Variants in KIF1B observed in about 807,000 individuals in gnomAD.
KIF1B encodes kinesin-like protein KIF1B.
In KIF1B, 76 loss-of-function variants were observed where a neutral mutation model predicts 241.9. That is an observed-to-expected ratio of 0.31 (90% CI 0.26 to 0.38). The LOEUF is 0.38. Among genes scored for constraint, KIF1B ranks in the 10% least tolerant of loss-of-function variants. The pLI, the probability that KIF1B is intolerant of heterozygous loss-of-function variation, is 1.00. For missense variants in KIF1B, 1,622 were observed against 2,271.4 expected, an observed-to-expected ratio of 0.71 and a Z score of 5.81; for synonymous variants, 750 against 796.7, an observed-to-expected ratio of 0.94 and a Z score of 0.99.
intron 22 of KIF1B, chr1:10,299,088 AACAAAAACC>A (rs933820152): frequency 2.6e-5 from 4 of 151,868 alleles, no homozygotes; most frequent in Non-Finnish European, 5.9e-5. Flanking sequence ...AAAAAAAAGA[AACAAAAACC>A]ACAAAAACAA....
intron 44 of KIF1B, among the ~76,000 whole-genome samples, chr1:10,368,922 TC>T (rs35064364): frequency 0.14 from 20,643 of 152,154 alleles, 1,515 homozygotes; most frequent in South Asian, 0.18. Context: ...AGTAAACACT[TC>T]AGAGAATTTC....
intron 23 of KIF1B, among the ~76,000 whole-genome samples, chr1:10,321,108 CTTT>C (rs1332388476): frequency 7.0e-6 from 1 of 143,664 alleles, no homozygotes; most frequent in African/African-American, 2.5e-5. Context: ...AGGAGTTTGT[CTTT>C]TTTTTTTTTT....
chr1:10,375,942 G>C (rs909568994), intron 48 of KIF1B, among the ~76,000 whole-genome samples: 1 of 150,608 alleles, frequency 6.6e-6, no homozygotes, highest in African/African-American at 2.4e-5. Flanking sequence ...GATTACAGGT[G>C]CCCGCCACCA....
rs1293337298 is a variant in KIF1B, at chr1:10,380,476, C to G, written c.*3889C>G. ...ATCCCAGCACATTGGGAGGCCAAGG[C>G]AGGTGGATCACCTGAGGTCAGAAGT... is the stretch of plus-strand genomic sequence containing the variant. On this transcript the variant is annotated 3_prime_UTR_variant, in exon 49 of 49. Transcript: ENST00000676179. 1 of 182,928 alleles carries G rather than the reference C, an allele frequency of 5.5e-6. No individual in the cohort carries two copies. The highest frequency in any genetic ancestry group is 1.2e-5 in the Non-Finnish European group (1 of 85,908). The allele number at this position is 182,928 out of a possible 1,614,324, so 11.3% of individuals were successfully genotyped here.
intron 13 of KIF1B, 101 bp downstream of exon 13, chr1:10,278,229 A>G: frequency 8.4e-7 from 1 of 1,193,492 alleles, no homozygotes; most frequent in Non-Finnish European, 1.2e-6. Flanking sequence ...AAGGAGCATG[A>G]TGAAGCTAAA....
chr1:10,365,771 G>A lies in KIF1B; in HGVS notation c.4752+123G>A. On this transcript the variant is annotated intron_variant, in intron 43 of 48. Coordinates refer to ENST00000676179, the MANE Select transcript of KIF1B (RefSeq NM_001365951.3). This position sits in a 1 kb window ranked among gnomAD's most constrained non-coding sequence, Gnocchi z 4.0. ...GAAGGCCTGTGATAATACTGTGAAT[G>A]TAGAAATAAAAAGACGCAGTTCCTA... The A allele has an allele frequency of 7.2e-7, 1 of 1,389,916 alleles. No homozygotes were observed. The highest frequency in any genetic ancestry group is 1.0e-6 in the Non-Finnish European group (1 of 996,920). 86.1% of individuals were successfully genotyped at this position (1,389,916 alleles called of 1,614,324 possible).
At chr1:10,290,154 T>A (rs1318535719) in intron 15 of KIF1B, among the ~76,000 whole-genome samples, 3 of 152,086 alleles carry the variant, frequency 2.0e-5, no homozygotes, top group African/African-American at 7.2e-5. Flanking sequence ...TTAATTTAAT[T>A]AATTTATTTT....
chr1:10,348,606 A>G, intron 36 of KIF1B, 43 bp from the exon 37 acceptor site: 1 of 1,453,566 alleles, frequency 6.9e-7, no homozygotes, highest in Non-Finnish European at 9.7e-7. Flanking sequence ...AGAGGAGATA[A>G]TAGATTGCTT....
chr1:10,267,465 C>G lies in KIF1B; in HGVS notation c.515C>G (p.Pro172Arg), dbSNP rs1557676543. The change falls in exon 6 of 49, where the codon CCA becomes CGA. Residue 172 changes from proline to arginine, a missense_variant. Coordinates refer to ENST00000676179, the MANE Select transcript of KIF1B (RefSeq NM_001365951.3). ...GGTAATTTGCGTGTGCGTGAACACCCACTTCTTGGACCCTATGTGGAGGAT... is the reference window on the plus strand; with the variant it reads ...GGTAATTTGCGTGTGCGTGAACACCGACTTCTTGGACCCTATGTGGAGGAT... ...NKGNLRVREH[P>R]LLGPYVEDLS... 1 of 1,614,162 alleles carries G rather than the reference C, an allele frequency of 6.2e-7. No homozygotes were observed. The highest frequency in any genetic ancestry group is 2.2e-5 in the East Asian group (1 of 44,884).
intron 1 of KIF1B, among the ~76,000 whole-genome samples, chr1:10,230,052 G>A (rs1339500396): frequency 6.6e-6 from 1 of 152,088 alleles, no homozygotes; most frequent in Non-Finnish European, 1.5e-5. Flanking sequence ...GTGTGTGCCT[G>A]TAGTCGCAGC....
At chr1:10,249,269 G>T (rs375702930) in intron 2 of KIF1B, among the ~76,000 whole-genome samples, 2 of 152,124 alleles carry the variant, frequency 1.3e-5, no homozygotes, top group East Asian at 3.9e-4. Flanking sequence ...TAGCTCAGTT[G>T]ACCTTGATAC....
chr1:10,362,581 A>G (rs1356851527), intron 40 of KIF1B, among the ~76,000 whole-genome samples: 1 of 152,186 alleles, frequency 6.6e-6, no homozygotes, highest in East Asian at 1.9e-4. Flanking sequence ...TGTTACTAAT[A>G]CAATAGAAGG....
Position 10,380,225 on chromosome 1 carries a change from A to C in KIF1B, c.*3638A>C, listed in dbSNP as rs981787520. Reference sequence around the variant, plus strand: ...CAGGTCTATGTATATTTATCCAGCTATACTTACTTGCACAGTGGATTGGAG... The same window carrying C: ...CAGGTCTATGTATATTTATCCAGCTCTACTTACTTGCACAGTGGATTGGAG... On this transcript the variant is annotated 3_prime_UTR_variant, in exon 49 of 49. Coordinates refer to ENST00000676179, the MANE Select transcript of KIF1B (RefSeq NM_001365951.3). The C allele has an allele frequency of 9.4e-6, 2 of 212,412 alleles. No individual in the cohort carries two copies. Among genetic ancestry groups the C allele is most frequent in the Non-Finnish European group, 1.9e-5 (2 of 104,658 alleles). 13.2% of individuals were successfully genotyped at this position (212,412 alleles called of 1,614,324 possible).
chr1:10,365,489 C>A lies in KIF1B; in HGVS notation c.4593C>A (p.Ser1531=). The change falls in exon 43 of 49, where the codon TCC becomes TCA. Residue 1531 remains serine (S), a synonymous_variant. Coordinates refer to ENST00000676179, the MANE Select transcript of KIF1B (RefSeq NM_001365951.3). The surrounding 1 kb of genome is among the most constrained non-coding windows in gnomAD (Gnocchi z 4.0). ...CCAAATCCCTGAGCGACTCGTTATCCCCCAGCCTCAGCAGTGGGACCCTCA... is the reference window on the plus strand; with the variant it reads ...CCAAATCCCTGAGCGACTCGTTATCACCCAGCCTCAGCAGTGGGACCCTCA... ...SIPKSLSDSL[S]PSLSSGTLST... 1 of 1,614,042 alleles carries A rather than the reference C, an allele frequency of 6.2e-7. No individual in the cohort carries two copies. Among genetic ancestry groups the A allele is most frequent in the East Asian group, 2.2e-5 (1 of 44,876 alleles).
chr1:10,282,977 C>T (rs900718423), intron 15 of KIF1B, among the ~76,000 whole-genome samples: 2 of 151,766 alleles, frequency 1.3e-5, no homozygotes, highest in Non-Finnish European at 2.9e-5. Flanking sequence ...GAGGCCGAGG[C>T]GGGGTGGATC....
chr1:10,350,464 G>A (rs558598008), intron 37 of KIF1B, among the ~76,000 whole-genome samples: 2 of 122,708 alleles, frequency 1.6e-5, no homozygotes, highest in East Asian at 2.1e-4. Context: ...GGAGGCTGAG[G>A]CAGGAGAATG....
At chr1:10,264,206 GTTTA>G (rs1412823104) in intron 5 of KIF1B, among the ~76,000 whole-genome samples, 1 of 152,074 alleles carries the variant, frequency 6.6e-6, no homozygotes, top group African/African-American at 2.4e-5. Flanking sequence ...TATGTTTGTT[GTTTA>G]TTATCAGTAT....
In KIF1B at chr1:10,258,531, C is replaced by T; in HGVS notation, c.222C>T (p.Tyr74=). Residue 74 remains tyrosine, a synonymous_variant, in exon 4 of 49, where the codon TAC becomes TAT. Coordinates refer to ENST00000676179, the MANE Select transcript of KIF1B (RefSeq NM_001365951.3). The part of the protein sequence containing the change: ...DPCFASQNRV[Y]NDIGKEMLLH... ...GTTTTGCATCTCAAAACCGTGTGTA[C>T]AATGACATTGGCAAGGAAATGCTCT... The T allele has an allele frequency of 1.9e-6, 3 of 1,614,074 alleles. No homozygotes were observed. Among genetic ancestry groups the T allele is most frequent in the Non-Finnish European group, 1.7e-6 (2 of 1,180,008 alleles).
chr1:10,253,016 T>TGG (rs1647554255), intron 2 of KIF1B, among the ~76,000 whole-genome samples: 1 of 152,154 alleles, frequency 6.6e-6, no homozygotes, highest in Non-Finnish European at 1.5e-5. Context: ...TGAGCCACTG[T>TGG]GCCTGGCCAA....
Sources: gnomAD v4.1 joint callset for allele counts (sites outside exome capture counted in the v4.1 genomes callset) on GRCh38, gnomAD v4.1.1 for gene constraint, Gnocchi (gnomAD v3.1) non-coding constraint, MANE v1.5 for transcripts, NCBI Gene and HGNC (gene_info 2026-07-23, HGNC 2026-07-21) for gene names.